The following DNMT1 variants were observed in gnomAD, a reference collection of about 807,000 sequenced individuals.
DNMT1 encodes DNA (cytosine-5)-methyltransferase 1.
Under a neutral mutation model 205.3 loss-of-function variants are expected in DNMT1, and 24 were observed. That is an observed-to-expected ratio of 0.12 (90% CI 0.08 to 0.16). The LOEUF (loss-of-function observed/expected upper bound fraction) is 0.16, where lower values mean the gene tolerates loss of function less well. DNMT1 is among the 10% of genes least tolerant of loss of function. DNMT1 has a pLI of 1.00. For missense variants in DNMT1, 1,293 were observed against 2,177.7 expected, an observed-to-expected ratio of 0.59 and a Z score of 8.09; for synonymous variants, 817 against 839.8, an observed-to-expected ratio of 0.97 and a Z score of 0.47.
At chr19:10,178,171 C>A (rs1456793320) in intron 5 of DNMT1, among the ~76,000 whole-genome samples, 1 of 149,922 alleles carries the variant, frequency 6.7e-6, no homozygotes, top group Non-Finnish European at 1.5e-5. Context: ...GCAAAAAAAT[C>A]ACTTGAACCC....
chr19:10,194,687 CT>C, intron 1 of DNMT1, 132 bp downstream of exon 1: 1 of 1,268,686 alleles, frequency 7.9e-7, no homozygotes, highest in Non-Finnish European at 1.0e-6. Context: ...CCAACTGCCG[CT>C]GCGCGCCGCA....
chr19:10,136,282 T>C lies in DNMT1; in HGVS notation c.4495A>G (p.Lys1499Glu), dbSNP rs2089480780. 2 of 1,613,812 alleles carry C rather than the reference T, an allele frequency of 1.2e-6. No homozygotes were observed. Among genetic ancestry groups the C allele is most frequent in the Admixed American group, 1.7e-5 (1 of 60,000 alleles). The change falls in exon 38 of 41, where the codon AAA (lysine) becomes GAA (glutamate). Residue 1499 changes from lysine (K) to glutamate (E), a missense_variant. This residue lies in a region of DNMT1 where 148 missense variants were observed against 256.1 expected (regional missense o/e 0.58). Coordinates refer to ENST00000359526, the MANE Select transcript of DNMT1 (RefSeq NM_001130823.3). ...RGVCSCVEAG[K>E]ACDPAARQFN... Reference sequence around the variant, plus strand: ...TGCCTGGCTGCGGGGTCGCAGGCTTTGCCGGCTGGAAGACAGGACAGTGAT... The same window carrying C: ...TGCCTGGCTGCGGGGTCGCAGGCTTCGCCGGCTGGAAGACAGGACAGTGAT...
At position 10,137,258 on chromosome 19, in the gene DNMT1, G is replaced by T. The variant is rs555878888; in HGVS notation, c.4316C>A (p.Ala1439Asp). 6.2e-7 allele frequency: 1 copy of T among 1,608,994 alleles called. No homozygotes were observed. Among genetic ancestry groups the T allele is most frequent in the East Asian group, 2.2e-5 (1 of 44,804 alleles). Residue 1439 changes from alanine (A) to aspartate (D), a missense_variant, in exon 37 of 41, where the codon GCC becomes GAC. Around this residue, in one of 13 missense-constraint regions of DNMT1, gnomAD observed 148 missense variants for 256.1 expected, o/e 0.58. Transcript: ENST00000359526. This position sits in a 1 kb window ranked among gnomAD's most constrained non-coding sequence, Gnocchi z 6.4. The part of the protein sequence containing the change: ...ICKDMSALVA[A>D]RMRHIPLAPG... ...GGCCAAGGGGATGTGCCGCATGCGGGCAGCCACCAATGCACTCATGTCCTG... is the reference window on the plus strand; with the variant it reads ...GGCCAAGGGGATGTGCCGCATGCGGTCAGCCACCAATGCACTCATGTCCTG...
chr19:10,136,715 G>C (rs192551371), intron 37 of DNMT1, among the ~76,000 whole-genome samples: 64 of 151,466 alleles, frequency 4.2e-4, no homozygotes, highest in Middle Eastern at 3.5e-3. Context: ...GGATTACAGA[G>C]GTGAGCCATC....
intron 24 of DNMT1, among the ~76,000 whole-genome samples, chr19:10,150,884 G>A (rs2038327872): frequency 6.6e-6 from 1 of 152,130 alleles, no homozygotes; most frequent in Admixed American, 6.6e-5. Flanking sequence ...CTTGAGGCCG[G>A]AGTTCGAGAA....
intron 1 of DNMT1, chr19:10,194,428 C>T (rs931174896): frequency 4.2e-5 from 7 of 166,646 alleles, no homozygotes; most frequent in African/African-American, 7.2e-5. Context: ...GTGCCGGTGC[C>T]CGAGGGGTGT....
intron 1 of DNMT1, among the ~76,000 whole-genome samples, chr19:10,189,236 C>T (rs899726331): frequency 5.9e-5 from 9 of 151,892 alleles, no homozygotes; most frequent in African/African-American, 2.2e-4. Flanking sequence ...TTTCCTGCCT[C>T]AGCCTCCCAT....
chr19:10,167,622 TC>T (rs2038723733), intron 10 of DNMT1, among the ~76,000 whole-genome samples: 1 of 152,072 alleles, frequency 6.6e-6, no homozygotes, highest in South Asian at 2.1e-4. Flanking sequence ...AGCCCAGCCA[TC>T]CCCACTAAGC....
At chr19:10,182,376 TATATATAC>T (rs1177767151) in intron 1 of DNMT1, among the ~76,000 whole-genome samples, 3 of 144,578 alleles carry the variant, frequency 2.1e-5, no homozygotes, top group African/African-American at 7.6e-5. Context: ...TGTGTGTGTA[TATATATAC>T]ATATATATGT....
intron 27 of DNMT1, among the ~76,000 whole-genome samples, chr19:10,148,509 GA>G (rs572078285): frequency 1.0e-3 from 134 of 134,538 alleles, no homozygotes; most frequent in South Asian, 4.3e-3. Flanking sequence ...AAAAAAAAAA[GA>G]AAAAAAAAAA....
chr19:10,163,640 A>C (rs1241640059), intron 11 of DNMT1, among the ~76,000 whole-genome samples: 2 of 152,212 alleles, frequency 1.3e-5, no homozygotes, highest in Non-Finnish European at 2.9e-5. Context: ...CAGTATTTTC[A>C]GCTTTGCTGA....
In DNMT1 at chr19:10,140,205, G is replaced by C. The variant is rs1223800609; in HGVS notation, c.3647C>G (p.Ala1216Gly). Residue 1216 changes from alanine to glycine, a missense_variant, in exon 33 of 41, where the codon GCT becomes GGT. This residue lies in a region of DNMT1 where 26 missense variants were observed against 86.5 expected (regional missense o/e 0.30). Transcript: ENST00000359526. This position sits in a 1 kb window ranked among gnomAD's most constrained non-coding sequence, Gnocchi z 8.4. ...DCNILLKLVM[A>G]GETTNSRGQR... is the part of the protein sequence containing the mutation. ...GCCGCGGGAGTTGGTGGTCTCCCCA[G>C]CCATGACCAGCTTCAGCAGGATGTT... 1 of 1,613,948 alleles carries C rather than the reference G, an allele frequency of 6.2e-7. No individual in the cohort carries two copies. The highest frequency in any genetic ancestry group is 8.5e-7 in the Non-Finnish European group (1 of 1,180,052).
chr19:10,154,720 G>A lies in DNMT1; in HGVS notation c.1698C>T (p.Leu566=), dbSNP rs773872683. 20 of 1,614,120 alleles carry A rather than the reference G, an allele frequency of 1.2e-5. No individual in the cohort carries two copies. The highest frequency in any genetic ancestry group is 1.4e-5 in the Non-Finnish European group (17 of 1,180,060). ...LNLNRFTEDS[L]LRHAQFVVEQ... ...CCACCACAAACTGCGCGTGTCGCAGGAGGGAGTCCTCTGTGAAGCGGTTCA... is the reference window on the plus strand; with the variant it reads ...CCACCACAAACTGCGCGTGTCGCAGAAGGGAGTCCTCTGTGAAGCGGTTCA... The change falls in exon 21 of 41, where the codon CTC becomes CTT. Residue 566 remains leucine, a synonymous_variant. Transcript: ENST00000359526. This position sits in a 1 kb window ranked among gnomAD's most constrained non-coding sequence, Gnocchi z 6.3.
Position 10,138,034 on chromosome 19 carries a change from C to A in DNMT1, c.4116-25G>T. On this transcript the variant is annotated intron_variant, in intron 35 of 40. Transcript: ENST00000359526. The surrounding 1 kb of genome is among the most constrained non-coding windows in gnomAD (Gnocchi z 4.1). ...CCTGCAACAGAGGAGGAGGTCAACA[C>A]CTCTGGAGATGCACGCAGCAGCTGT... 1 of 1,603,538 alleles carries A rather than the reference C, an allele frequency of 6.2e-7. No homozygotes were observed. The highest frequency in any genetic ancestry group is 8.5e-7 in the Non-Finnish European group (1 of 1,175,298).
At chr19:10,176,628 T>C (rs1191491343) in intron 6 of DNMT1, among the ~76,000 whole-genome samples, 1 of 152,142 alleles carries the variant, frequency 6.6e-6, no homozygotes, top group Non-Finnish European at 1.5e-5. Context: ...GAGGTTGAAG[T>C]GGGCAGATCA....
chr19:10,175,298 T>G (rs565807174), intron 7 of DNMT1, among the ~76,000 whole-genome samples: 1 of 152,050 alleles, frequency 6.6e-6, no homozygotes, highest in African/African-American at 2.4e-5. Flanking sequence ...ATTCCAACTA[T>G]GTACCCATAA....
At position 10,194,014 on chromosome 19, in the gene DNMT1, G is replaced by A. The variant is rs117837303; in HGVS notation, c.80+806C>T. 1.7e-3 allele frequency among the ~76,000 whole-genome samples: 265 copies of A among 152,218 alleles called. 6 individuals carry two copies. In the East Asian group the frequency reaches 0.046, roughly 27 times the overall value. Reference sequence around the variant, plus strand: ...CCTCCAACATTAGACACACACTAAAGAACACACCCATGAACACACACAAAC... The same window carrying A: ...CCTCCAACATTAGACACACACTAAAAAACACACCCATGAACACACACAAAC... On this transcript the variant is annotated intron_variant, in intron 1 of 40. Transcript: ENST00000359526.
chr19:10,175,062 G>T (rs1466230025), intron 7 of DNMT1, among the ~76,000 whole-genome samples: 1 of 133,440 alleles, frequency 7.5e-6, no homozygotes, highest in South Asian at 2.4e-4. Flanking sequence ...CTCAAAAAAA[G>T]AAGTCTAAAT....
At chr19:10,150,464 C>T (rs1164559574) in intron 24 of DNMT1, among the ~76,000 whole-genome samples, 3 of 152,230 alleles carry the variant, frequency 2.0e-5, no homozygotes, top group Non-Finnish European at 4.4e-5. Context: ...GTCACCTCTG[C>T]AAGGCCTCGT....
Sources: allele counts gnomAD v4.1 joint callset (sites outside exome capture counted in the v4.1 genomes callset), GRCh38; gene constraint gnomAD v4.1.1; regional missense constraint gnomAD v4.1.1; non-coding constraint Gnocchi (gnomAD v3.1); transcripts MANE v1.5; gene names NCBI Gene and HGNC (gene_info 2026-07-23, HGNC 2026-07-21).